Variants in OPN3 observed in about 807,000 individuals in gnomAD.
The protein encoded by OPN3 is opsin-3.
OPN3 carries 29 observed loss-of-function variants against 33.8 expected under a neutral mutation model. The ratio of observed to expected loss-of-function variants is 0.86; its 90% CI spans 0.64 to 1.17. OPN3 has a LOEUF of 1.17. Among genes scored for constraint, OPN3 ranks in the 50% most tolerant of loss-of-function variants. OPN3 has a pLI of 0.00. For missense variants in OPN3, 437 were observed against 514.1 expected, an observed-to-expected ratio of 0.85 and a Z score of 1.45; for synonymous variants, 216 against 216.1, an observed-to-expected ratio of 1.00 and a Z score of 0.00.
intron 1 of OPN3, 51 bp downstream of exon 1, chr1:241,639,831 G>C: frequency 6.3e-6 from 9 of 1,417,490 alleles, no homozygotes; most frequent in Non-Finnish European, 8.3e-6. Context: ...GCAGCGGGGT[G>C]GGGAGTGGAA....
At position 241,594,577 on chromosome 1, in the gene OPN3, G is replaced by A. The variant is rs1663439726; in HGVS notation, c.1060C>T (p.Gln354Ter). 6.2e-7 allele frequency: 1 copy of A among 1,614,132 alleles called. No homozygotes were observed. The highest frequency in any genetic ancestry group is 1.3e-5 in the African/African-American group (1 of 75,042). Residue 354 changes from glutamine to a stop codon, truncating the protein, a stop_gained, in exon 4 of 4, where the codon CAG becomes TAG. Coordinates refer to ENST00000366554, the MANE Select transcript of OPN3 (RefSeq NM_014322.3). LOFTEE classifies it high-confidence loss of function. The part of the protein sequence containing the change: ...EMQIRPIVMS[Q>*]KDGDRPKKKV... ...TTCTTTGGCCTGTCCCCATCTTTCTGTGACATCACAATGGGTCTGATCTGC... is the reference window on the plus strand; with the variant it reads ...TTCTTTGGCCTGTCCCCATCTTTCTATGACATCACAATGGGTCTGATCTGC...
rs1664189449 is a variant in OPN3, at chr1:241,618,312, G to A, written c.374-13733C>T. Among the ~76,000 whole-genome samples, 4 of 152,312 alleles carry A rather than the reference G, an allele frequency of 2.6e-5. No homozygotes were observed. In the South Asian group the frequency reaches 8.3e-4, roughly 32 times the overall value. On this transcript the variant is annotated intron_variant, in intron 1 of 3. Coordinates refer to ENST00000366554, the MANE Select transcript of OPN3 (RefSeq NM_014322.3). The stretch of plus-strand genomic sequence containing the variant: ...CTACATACGAAACTCCTGAGGAGAT[G>A]GTTTAAAATGCTGATTCCTAGGCTC...
At chr1:241,634,543 G>A (rs1281752859) in intron 1 of OPN3, 1 of 1,613,884 alleles carries the variant, frequency 6.2e-7, no homozygotes, top group East Asian at 2.2e-5. Context: ...CGACTACAAA[G>A]CATTGTACTT....
intron 1 of OPN3, chr1:241,634,456 T>C: frequency 6.2e-7 from 1 of 1,613,718 alleles, no homozygotes; most frequent in East Asian, 2.2e-5. Context: ...GGTAACTGTC[T>C]TCCACAATAA....
rs1382711096 is a variant in OPN3 at position 241,594,339 on chromosome 1, T to C, written c.*89A>G. The C allele has an allele frequency of 1.4e-6, 2 of 1,391,542 alleles. No individual in the cohort carries two copies. Among genetic ancestry groups the C allele is most frequent in the East Asian group, 2.3e-5 (1 of 43,636 alleles). 86.2% of individuals were successfully genotyped at this position (1,391,542 alleles called of 1,614,324 possible). A position where few individuals can be genotyped will look rare whatever the true frequency, so the allele number is the denominator to read the frequency against. ...ACCACAAGGTTCTGTTGATATTACATAGAACGGGTATTCCAGACACTTCTT... is the reference window on the plus strand; with the variant it reads ...ACCACAAGGTTCTGTTGATATTACACAGAACGGGTATTCCAGACACTTCTT... On this transcript the variant is annotated 3_prime_UTR_variant, in exon 4 of 4. Coordinates refer to ENST00000366554, the MANE Select transcript of OPN3 (RefSeq NM_014322.3).
intron 2 of OPN3, among the ~76,000 whole-genome samples, chr1:241,600,054 C>A (rs957871531): frequency 6.6e-6 from 1 of 152,168 alleles, no homozygotes; most frequent in African/African-American, 2.4e-5. Context: ...TAGGTCCAAT[C>A]GTTTTATCTG....
intron 1 of OPN3, among the ~76,000 whole-genome samples, chr1:241,611,216 A>G (rs745724704): frequency 2.6e-5 from 4 of 152,198 alleles, no homozygotes; most frequent in East Asian, 3.9e-4. Context: ...TAGCTTATTT[A>G]TAGTTCAAGT....
At chr1:241,598,510 T>C (rs1663598033) in intron 2 of OPN3, among the ~76,000 whole-genome samples, 1 of 152,182 alleles carries the variant, frequency 6.6e-6, no homozygotes. Context: ...AAACCAGCTT[T>C]TCAATTCACT....
intron 2 of OPN3, among the ~76,000 whole-genome samples, chr1:241,601,458 A>T (rs1573951440): frequency 6.6e-6 from 1 of 152,256 alleles, no homozygotes; most frequent in East Asian, 1.9e-4. Context: ...TAATCCTAGC[A>T]CTTTGGGAGG....
intron 1 of OPN3, among the ~76,000 whole-genome samples, chr1:241,622,681 C>CA (rs2148014084): frequency 6.6e-6 from 1 of 152,298 alleles, no homozygotes; most frequent in Non-Finnish European, 1.5e-5. Flanking sequence ...TGGTTTCACC[C>CA]AGCCTCTTTG....
chr1:241,619,642 T>C (rs1453835120), intron 1 of OPN3, among the ~76,000 whole-genome samples: 1 of 152,218 alleles, frequency 6.6e-6, no homozygotes, highest in Non-Finnish European at 1.5e-5. Flanking sequence ...ACCAGTTCCC[T>C]AGACTCCAGA....
At position 241,611,733 on chromosome 1, in the gene OPN3, C is replaced by T. The variant is rs144629354; in HGVS notation, c.374-7154G>A. ...TGGAGCTTGGAATGTGTCCCGAGGG[C>T]TCTGAGGAGCCATTAAGCTGTTTTT... On this transcript the variant is annotated intron_variant, in intron 1 of 3. Coordinates refer to ENST00000366554, the MANE Select transcript of OPN3 (RefSeq NM_014322.3). Among the ~76,000 whole-genome samples, 28 of 152,328 alleles carry T rather than the reference C, an allele frequency of 1.8e-4. No homozygotes were observed. In the East Asian group the frequency reaches 5.2e-3, roughly 28 times the overall value.
In OPN3 at chr1:241,615,205, T is replaced by TA. The variant is rs56262278; in HGVS notation, c.374-10627dup. ...ACATAAGCACAGTGGGGCCAAAGTC[T>TA]AAAAAAAAAAAAAAAAAAACAGTTG... On this transcript the variant is annotated intron_variant, in intron 1 of 3. Coordinates refer to ENST00000366554, the MANE Select transcript of OPN3 (RefSeq NM_014322.3). Among the ~76,000 whole-genome samples, 739 of 113,960 alleles carry TA rather than the reference T, an allele frequency of 6.5e-3. 2 individuals are homozygous for TA. The highest frequency in any genetic ancestry group is 0.034 in the East Asian group (138 of 4,048). The allele number at this position is 113,960 out of a possible 152,430, so 74.8% of individuals were successfully genotyped here. A position where few individuals can be genotyped will look rare whatever the true frequency, so the allele number is the denominator to read the frequency against.
At position 241,594,298 on chromosome 1, in the gene OPN3, T is replaced by G; in HGVS notation, c.*130A>C. The G allele has an allele frequency of 9.6e-7, 1 of 1,039,076 alleles. No individual in the cohort carries two copies. The highest frequency in any genetic ancestry group is 2.4e-5 in the East Asian group (1 of 41,578). 64.4% of individuals were successfully genotyped at this position (1,039,076 alleles called of 1,614,324 possible). A position where few individuals can be genotyped will look rare whatever the true frequency, so the allele number is the denominator to read the frequency against. The stretch of plus-strand genomic sequence containing the variant: ...TGAGGCCCAAGAGCATATGGGCAAT[T>G]CGGATTTCCTGCTGGACCACAAGGT... On this transcript the variant is annotated 3_prime_UTR_variant, in exon 4 of 4. Coordinates refer to ENST00000366554, the MANE Select transcript of OPN3 (RefSeq NM_014322.3).
chr1:241,634,558 A>G (rs533890577), intron 1 of OPN3: 4 of 1,613,910 alleles, frequency 2.5e-6, no homozygotes, highest in Admixed American at 1.7e-5. Flanking sequence ...GTACTTTATG[A>G]CGAAGACAAT....
At chr1:241,629,148 T>C (rs1664517461) in intron 1 of OPN3, 1 of 152,534 alleles carries the variant, frequency 6.6e-6, no homozygotes, top group Non-Finnish European at 1.5e-5. Flanking sequence ...TTTCCAATCG[T>C]TGGGCTTTTT....
In OPN3 at chr1:241,633,259, T is replaced by C. The variant is rs1336579983; in HGVS notation, c.373+6623A>G. ...TAATCTTTAAACGATTATAGACAAA[T>C]GTATTTTATTATCATATTGGCATTT... On this transcript the variant is annotated intron_variant, in intron 1 of 3. Coordinates refer to ENST00000366554, the MANE Select transcript of OPN3 (RefSeq NM_014322.3). 6 of 156,782 alleles carry C rather than the reference T, an allele frequency of 3.8e-5. No homozygotes were observed. In the South Asian group the frequency reaches 9.3e-4, roughly 24 times the overall value. The allele number at this position is 156,782 out of a possible 1,614,324, so 9.7% of individuals were successfully genotyped here.
At chr1:241,614,431 C>G (rs1664070074) in intron 1 of OPN3, among the ~76,000 whole-genome samples, 1 of 152,150 alleles carries the variant, frequency 6.6e-6, no homozygotes, top group African/African-American at 2.4e-5. Context: ...TGGTATTTCA[C>G]ATGCATTGCA....
At position 241,635,301 on chromosome 1, in the gene OPN3, T is replaced by C. The variant is rs1388312417; in HGVS notation, c.373+4581A>G. On this transcript the variant is annotated intron_variant, in intron 1 of 3. Transcript: ENST00000366554. The stretch of plus-strand genomic sequence containing the variant: ...TCTGTATCACTTTTCTGAGTGTGTT[T>C]TGCAGGCATTTCGTCGCTATTAAAA... The C allele has an allele frequency of 2.5e-6, 4 of 1,614,004 alleles. No homozygotes were observed. The highest frequency in any genetic ancestry group is 2.5e-6 in the Non-Finnish European group (3 of 1,179,920).
Sources: allele counts gnomAD v4.1 joint callset (sites outside exome capture counted in the v4.1 genomes callset), GRCh38; gene constraint gnomAD v4.1.1; transcripts MANE v1.5; gene names NCBI Gene and HGNC (gene_info 2026-07-23, HGNC 2026-07-21).